Variants in WDR7 observed in about 807,000 individuals in gnomAD.
The protein encoded by WDR7 is WD repeat-containing protein 7.
A neutral mutation model predicts 169.4 loss-of-function variants in WDR7; 46 were observed. The ratio of observed to expected loss-of-function variants is 0.27; its 90% CI spans 0.21 to 0.35. The LOEUF is 0.35. Among genes scored for constraint, WDR7 ranks in the 10% least tolerant of loss-of-function variants. The pLI, the probability that WDR7 is intolerant of heterozygous loss-of-function variation, is 1.00. For missense variants in WDR7, 1,534 were observed against 1,859.3 expected, an observed-to-expected ratio of 0.83 and a Z score of 3.22; for synonymous variants, 612 against 666.8, an observed-to-expected ratio of 0.92 and a Z score of 1.27.
intron 19 of WDR7, among the ~76,000 whole-genome samples, chr18:56,815,118 A>G (rs1438195512): frequency 6.6e-6 from 1 of 152,200 alleles, no homozygotes; most frequent in South Asian, 2.1e-4. Context: ...GAAGTCCTTG[A>G]ACTAAAGAAG....
At chr18:56,962,890 AATT>A (rs1338929186) in intron 26 of WDR7, among the ~76,000 whole-genome samples, 3 of 152,200 alleles carry the variant, frequency 2.0e-5, no homozygotes, top group Admixed American at 6.5e-5. Flanking sequence ...AACAAAAATT[AATT>A]TTCTCTAAGC....
chr18:56,936,028 AT>A, intron 23 of WDR7, 123 bp downstream of exon 23: 1 of 899,684 alleles, frequency 1.1e-6, no homozygotes, highest in Non-Finnish European at 1.7e-6. Flanking sequence ...CAAGTTAATA[AT>A]TTAGTACTGA....
At chr18:56,826,241 C>G (rs2045201628) in intron 20 of WDR7, among the ~76,000 whole-genome samples, 2 of 152,290 alleles carry the variant, frequency 1.3e-5, no homozygotes, top group South Asian at 4.1e-4. Context: ...TAATTGATAT[C>G]AAACTCATAT....
rs2047754758 is a variant in WDR7, at chr18:56,988,313, C to A, written c.4164+25784C>A. Among the ~76,000 whole-genome samples, 3 of 152,126 alleles carry A rather than the reference C, an allele frequency of 2.0e-5. No individual in the cohort carries two copies. In the South Asian group the frequency reaches 6.2e-4, roughly 32 times the overall value. ...GTGTGATTATCTCATGATAAACATA[C>A]CACATTGCTGCTCATTGATATCATT... On this transcript the variant is annotated intron_variant, in intron 26 of 27. Transcript: ENST00000254442.
chr18:56,829,984 A>G (rs895025893), intron 20 of WDR7, among the ~76,000 whole-genome samples: 7 of 152,220 alleles, frequency 4.6e-5, no homozygotes, highest in African/African-American at 1.7e-4. Flanking sequence ...TCAAATGTCC[A>G]ACAAGTCTTT....
chr18:56,659,901 C>A (rs2024867755), intron 1 of WDR7, among the ~76,000 whole-genome samples: 1 of 151,642 alleles, frequency 6.6e-6, no homozygotes, highest in South Asian at 2.1e-4. Context: ...GTTGAGACTG[C>A]AGGGGAGCAA....
chr18:57,005,969 T>C (rs2096550523), intron 26 of WDR7, among the ~76,000 whole-genome samples: 1 of 152,232 alleles, frequency 6.6e-6, no homozygotes, highest in African/African-American at 2.4e-5. Context: ...TTTTTGCTAA[T>C]GCAAAGTTCA....
At chr18:56,819,370 A>C (rs946894950) in intron 20 of WDR7, among the ~76,000 whole-genome samples, 4 of 152,294 alleles carry the variant, frequency 2.6e-5, no homozygotes, top group African/African-American at 9.6e-5. Flanking sequence ...CATTTAAAAA[A>C]TATGCTGCAG....
intron 20 of WDR7, among the ~76,000 whole-genome samples, chr18:56,872,417 T>G (rs1049902473): frequency 6.6e-6 from 1 of 152,192 alleles, no homozygotes; most frequent in African/African-American, 2.4e-5. Context: ...ATATTTTACC[T>G]GTATTCTAGT....
intron 20 of WDR7, among the ~76,000 whole-genome samples, chr18:56,821,256 A>G (rs978849556): frequency 6.6e-5 from 10 of 152,230 alleles, no homozygotes; most frequent in African/African-American, 2.4e-4. Context: ...GAGAAGGGTA[A>G]GAGAAGTTAA....
At chr18:56,906,047 CTA>C (rs2046471965) in intron 21 of WDR7, among the ~76,000 whole-genome samples, 1 of 151,914 alleles carries the variant, frequency 6.6e-6, no homozygotes, top group Admixed American at 6.6e-5. Context: ...TTTGCCACCC[CTA>C]ATGTATTAAT....
At chr18:56,937,186 G>C (rs1044830205) in intron 23 of WDR7, among the ~76,000 whole-genome samples, 1 of 151,982 alleles carries the variant, frequency 6.6e-6, no homozygotes, top group Non-Finnish European at 1.5e-5. Flanking sequence ...CCAGCTTTTG[G>C]CTGGAAAGAT....
At chr18:57,030,526 G>A (rs1016832602), downstream of WDR7, 8 of 152,158 alleles carry the variant, frequency 5.3e-5, no homozygotes, top group African/African-American at 1.9e-4. Flanking sequence ...CACATAAACT[G>A]ATCAAATGTG....
intron 3 of WDR7, among the ~76,000 whole-genome samples, chr18:56,679,747 G>C (rs1406827109): frequency 1.3e-5 from 2 of 152,140 alleles, no homozygotes; most frequent in Non-Finnish European, 2.9e-5. Context: ...TGAGTTGCCA[G>C]ACAACTTTGA....
chr18:56,874,570 A>G (rs2045997508), intron 20 of WDR7, among the ~76,000 whole-genome samples: 2 of 152,288 alleles, frequency 1.3e-5, no homozygotes, highest in South Asian at 4.1e-4. Context: ...TTGGAGGGGC[A>G]TCATTATTAA....
intron 19 of WDR7, among the ~76,000 whole-genome samples, chr18:56,803,259 A>G (rs2145167156): frequency 6.6e-6 from 1 of 152,212 alleles, no homozygotes; most frequent in East Asian, 1.9e-4. Context: ...GTGATCTCAT[A>G]GCATATTGTT....
intron 1 of WDR7, among the ~76,000 whole-genome samples, chr18:56,663,626 C>CATATATGCACAGCATATATACATAT (rs70944624): frequency 0.075 from 994 of 13,228 alleles, 16 homozygotes; most frequent in African/African-American, 0.089. Context: ...ATATACACCA[C>CATATATGCACAGCATATATACATAT]ATATATGCAC....
At chr18:56,667,534 A>T (rs2025049811) in intron 1 of WDR7, among the ~76,000 whole-genome samples, 1 of 152,034 alleles carries the variant, frequency 6.6e-6, no homozygotes, top group South Asian at 2.1e-4. Flanking sequence ...CTCATCCCCA[A>T]ACCTAGAGTT....
chr18:56,925,733 G>T (rs746485649), intron 22 of WDR7, among the ~76,000 whole-genome samples: 1 of 152,172 alleles, frequency 6.6e-6, no homozygotes, highest in Non-Finnish European at 1.5e-5. Context: ...TCTACAGATT[G>T]GGCATTGCCA....
Sources: gnomAD v4.1 joint callset for allele counts (sites outside exome capture counted in the v4.1 genomes callset) on GRCh38, gnomAD v4.1.1 for gene constraint, MANE v1.5 for transcripts, NCBI Gene and HGNC (gene_info 2026-07-23, HGNC 2026-07-21) for gene names.